Variants in KPNA5 observed in about 807,000 individuals in gnomAD.
The protein encoded by KPNA5 is karyopherin subunit alpha 5.
In KPNA5, 46 loss-of-function variants were observed where a neutral mutation model predicts 71.3. The observed-to-expected ratio is 0.65, with a 90% confidence interval of 0.51 to 0.83. The LOEUF (loss-of-function observed/expected upper bound fraction) is 0.83, where lower values mean the gene tolerates loss of function less well. Ranked by LOEUF, KPNA5 falls within the 40% of genes least tolerant of loss-of-function variation. The pLI is 0.00. For missense variants in KPNA5, 547 were observed against 628.3 expected (o/e 0.87, Z 1.38); for synonymous variants, 207 against 201.4 (o/e 1.03, Z -0.24).
intron 5 of KPNA5, among the ~76,000 whole-genome samples, chr6:116,700,438 C>T (rs942836194): frequency 5.3e-5 from 8 of 151,842 alleles, no homozygotes; most frequent in Non-Finnish European, 1.0e-4. Context: ...CCACTGCACT[C>T]CAGCCTGGGC....
rs756782848 is a variant in KPNA5 at position 116,724,395 on chromosome 6, T to C, written c.999+20T>C. 6.5e-7 allele frequency: 1 copy of C among 1,548,420 alleles called. No homozygotes were observed. The highest frequency in any genetic ancestry group is 8.9e-7 in the Non-Finnish European group (1 of 1,123,254). On this transcript the variant is annotated intron_variant, in intron 10 of 13. Coordinates refer to ENST00000368564, the MANE Select transcript of KPNA5 (RefSeq NM_001366306.2). The stretch of plus-strand genomic sequence containing the variant: ...ACACAGGTGAGTTCAAACTTGAGTA[T>C]CATAAATTGTTAACATAAAGGACTT...
intron 1 of KPNA5, among the ~76,000 whole-genome samples, chr6:116,688,504 T>C (rs537254827): frequency 6.8e-4 from 104 of 152,284 alleles, no homozygotes; most frequent in African/African-American, 2.5e-3. Context: ...ATATCAGTAT[T>C]TTAATATTCC....
Position 116,737,215 on chromosome 6 carries a change from C to T in KPNA5, c.*4892C>T, listed in dbSNP as rs1330261846. Reference sequence around the variant, plus strand: ...GTTTATTTTACTGCTGAGTCAGTACCATTCCGAGTACTCTATTACCCTATG... The same window carrying T: ...GTTTATTTTACTGCTGAGTCAGTACTATTCCGAGTACTCTATTACCCTATG... On this transcript the variant is annotated 3_prime_UTR_variant, in exon 14 of 14. Transcript: ENST00000368564. 1.3e-5 allele frequency: 2 copies of T among 151,942 alleles called. No homozygotes were observed. Among genetic ancestry groups the T allele is most frequent in the East Asian group, 3.9e-4 (2 of 5,192 alleles). The allele number at this position is 151,942 out of a possible 1,614,324, so 9.4% of individuals were successfully genotyped here.
chr6:116,708,993 C>T (rs1467568849), intron 7 of KPNA5, among the ~76,000 whole-genome samples: 2 of 152,086 alleles, frequency 1.3e-5, no homozygotes, highest in Non-Finnish European at 2.9e-5. Flanking sequence ...ACCATGTTGG[C>T]CAGGCTGGTC....
chr6:116,700,856 G>A (rs1246452012), intron 5 of KPNA5, among the ~76,000 whole-genome samples: 6 of 152,126 alleles, frequency 3.9e-5, no homozygotes, highest in Non-Finnish European at 7.4e-5. Flanking sequence ...CAACTGGAAA[G>A]TTTACCTTTT....
At position 116,726,479 on chromosome 6, in the gene KPNA5, T is replaced by C; in HGVS notation, c.1126-16T>C. On this transcript the variant is annotated splice_polypyrimidine_tract_variant and intron_variant, in intron 11 of 13. Coordinates refer to ENST00000368564, the MANE Select transcript of KPNA5 (RefSeq NM_001366306.2). ...AAACAGTATTTGTACTGATTATATA[T>C]TTTTCCCCCTCTCAGGCTGTTATAG... 5 of 1,600,480 alleles carry C rather than the reference T, an allele frequency of 3.1e-6. No individual in the cohort carries two copies. Among genetic ancestry groups the C allele is most frequent in the Non-Finnish European group, 4.3e-6 (5 of 1,170,010 alleles).
Position 116,732,657 on chromosome 6 carries a change from C to A in KPNA5, c.*334C>A. Reference sequence around the variant, plus strand: ...ATTACTTAGTAATTCTGAATTTTTTCAAGCATTCTTGGAAACTGCACATTA... The same window carrying A: ...ATTACTTAGTAATTCTGAATTTTTTAAAGCATTCTTGGAAACTGCACATTA... On this transcript the variant is annotated 3_prime_UTR_variant, in exon 14 of 14. Transcript: ENST00000368564. 6.4e-6 allele frequency: 1 copy of A among 156,242 alleles called. No individual in the cohort carries two copies. The highest frequency in any genetic ancestry group is 1.4e-5 in the Non-Finnish European group (1 of 70,752). The allele number at this position is 156,242 out of a possible 1,614,324, so 9.7% of individuals were successfully genotyped here. A position where few individuals can be genotyped will look rare whatever the true frequency, so the allele number is the denominator to read the frequency against.
intron 5 of KPNA5, among the ~76,000 whole-genome samples, chr6:116,699,752 C>T (rs922689540): frequency 2.6e-5 from 4 of 152,142 alleles, no homozygotes; most frequent in African/African-American, 9.7e-5. Flanking sequence ...TAAGTCCAGA[C>T]TAAAACCCAG....
rs760168299 is a variant in KPNA5 at position 116,725,751 on chromosome 6, G to A, written c.1000G>A (p.Val334Ile). 3.7e-6 allele frequency: 6 copies of A among 1,601,398 alleles called. No homozygotes were observed. The East Asian group carries it at 1.3e-4, about 36-fold the overall frequency. ...IVTGDDIQTQ[V>I]ILNCSALPCL... is the part of the protein sequence containing the mutation. ...TGTTTCCATTTCTAACTTGTTTTAG[G>A]TAATTTTGAATTGTTCTGCATTACC... is the stretch of plus-strand genomic sequence containing the variant. The change falls in exon 11 of 14, where the codon GTA (valine) becomes ATA (isoleucine). Residue 334 changes from valine (V) to isoleucine (I), a missense_variant and splice_region_variant. Coordinates refer to ENST00000368564, the MANE Select transcript of KPNA5 (RefSeq NM_001366306.2).
At chr6:116,708,393 T>G (rs1778527580) in intron 7 of KPNA5, among the ~76,000 whole-genome samples, 1 of 152,206 alleles carries the variant, frequency 6.6e-6, no homozygotes, top group Admixed American at 6.5e-5. Context: ...AATTTCTCTA[T>G]ATCATCACCA....
intron 13 of KPNA5, among the ~76,000 whole-genome samples, chr6:116,730,787 A>C (rs1779452568): frequency 6.7e-6 from 1 of 149,874 alleles, no homozygotes; most frequent in Non-Finnish European, 1.5e-5. Context: ...AGTAGTATGT[A>C]TTTTTCATGA....
chr6:116,732,223 T>C lies in KPNA5; in HGVS notation c.1520T>C (p.Val507Ala). Residue 507 changes from valine to alanine, a missense_variant, in exon 14 of 14, where the codon GTA becomes GCA. Physicochemically the swap from Val to Ala is moderately conservative, Grantham distance 64. Transcript: ENST00000368564. ...GATCTGATTGAACATTACTTTGGTG[T>C]AGAAGAAGATGACCCCAGCATTGTA... ...AFDLIEHYFG[V>A]EEDDPSIVPQ... 1 of 1,593,980 alleles carries C rather than the reference T, an allele frequency of 6.3e-7. No individual in the cohort carries two copies. Among genetic ancestry groups the C allele is most frequent in the East Asian group, 2.3e-5 (1 of 43,830 alleles).
chr6:116,712,662 G>T (rs754701516), intron 7 of KPNA5, among the ~76,000 whole-genome samples: 2 of 152,014 alleles, frequency 1.3e-5, no homozygotes, highest in Non-Finnish European at 2.9e-5. Flanking sequence ...ACAGAGTCTC[G>T]TTATGTTGCC....
intron 5 of KPNA5, among the ~76,000 whole-genome samples, chr6:116,700,655 A>G (rs1341205200): frequency 6.6e-6 from 1 of 152,222 alleles, no homozygotes; most frequent in Non-Finnish European, 1.5e-5. Context: ...TTGGGGGCCT[A>G]CAAACAAGTT....
At chr6:116,713,214 T>C (rs1778768590) in intron 7 of KPNA5, among the ~76,000 whole-genome samples, 1 of 152,218 alleles carries the variant, frequency 6.6e-6, no homozygotes, top group Non-Finnish European at 1.5e-5. Flanking sequence ...GGCCCTTTCA[T>C]TTCAGCATAA....
Position 116,682,155 on chromosome 6 carries a change from A to G in KPNA5, c.4+817A>G, listed in dbSNP as rs139491627. Among the ~76,000 whole-genome samples the G allele has an allele frequency of 2.7e-3, 414 of 152,042 alleles. 1 individual carries two copies. Among genetic ancestry groups the G allele is most frequent in the Non-Finnish European group, 4.4e-3 (301 of 67,974 alleles). On this transcript the variant is annotated intron_variant, in intron 1 of 13. Transcript: ENST00000368564. Reference sequence around the variant, plus strand: ...ACAAAATAATAAATACAAAAAAAATACCAAAAATACAAAAAAAGGAAAAAT... The same window carrying G: ...ACAAAATAATAAATACAAAAAAAATGCCAAAAATACAAAAAAAGGAAAAAT...
At chr6:116,729,470 A>G in intron 12 of KPNA5, 93 bp from the exon 13 acceptor site, 1 of 742,842 alleles carries the variant, frequency 1.3e-6, no homozygotes, top group Non-Finnish European at 1.9e-6. Context: ...ACATTTCACT[A>G]TGAAAAATAT....
intron 7 of KPNA5, among the ~76,000 whole-genome samples, chr6:116,710,870 AT>A (rs1254080780): frequency 3.0e-5 from 3 of 99,856 alleles, no homozygotes; most frequent in East Asian, 2.8e-4. Context: ...TAGTAATATT[AT>A]TTTATATATA....
At chr6:116,693,290 A>G (rs967279283) in intron 4 of KPNA5, among the ~76,000 whole-genome samples, 1 of 152,230 alleles carries the variant, frequency 6.6e-6, no homozygotes, top group African/African-American at 2.4e-5. Context: ...TTCTAGTTCT[A>G]GATCCCTGAG....
Sources: gnomAD v4.1 joint callset for allele counts (sites outside exome capture counted in the v4.1 genomes callset) on GRCh38, gnomAD v4.1.1 for gene constraint, MANE v1.5 for transcripts, NCBI Gene and HGNC (gene_info 2026-07-23, HGNC 2026-07-21) for gene names.